The following ZBTB46 variants were observed in gnomAD, a reference collection of about 807,000 sequenced individuals.
ZBTB46 encodes the protein zinc finger and BTB domain-containing protein 46.
In ZBTB46, 8 loss-of-function variants were observed where a neutral mutation model predicts 44.1. The ratio of observed to expected loss-of-function variants is 0.18; its 90% CI spans 0.11 to 0.33. The LOEUF is 0.33. Ranked by LOEUF, ZBTB46 falls within the 10% of genes least tolerant of loss-of-function variation. The pLI, the probability that ZBTB46 is intolerant of heterozygous loss-of-function variation, is 1.00. For synonymous variants in ZBTB46, 409 were observed against 382.3 expected, an observed-to-expected ratio of 1.07 and a Z score of -0.81; for missense variants, 651 against 847.7, an observed-to-expected ratio of 0.77 and a Z score of 2.88.
intron 2 of ZBTB46, among the ~76,000 whole-genome samples, chr20:63,786,294 C>G (rs1010603724): frequency 1.3e-5 from 2 of 152,218 alleles, no homozygotes; most frequent in Non-Finnish European, 2.9e-5. Flanking sequence ...CGCACAGCAG[C>G]ACATAGAGAA....
chr20:63,760,344 TTC>T (rs1303518537), intron 3 of ZBTB46, among the ~76,000 whole-genome samples: 2 of 152,244 alleles, frequency 1.3e-5, no homozygotes, highest in African/African-American at 4.8e-5. Context: ...TTTTGATAAA[TTC>T]TGTTTTCCAG....
chr20:63,831,306 G>C (rs1281854901), upstream of ZBTB46: 14 of 137,642 alleles, frequency 1.0e-4, no homozygotes, highest in Non-Finnish European at 1.4e-4. Context: ...CGCCGCCCGC[G>C]CGCGCGCGCC....
At chr20:63,813,524 A>C (rs866375636) in intron 1 of ZBTB46, among the ~76,000 whole-genome samples, 6 of 152,172 alleles carry the variant, frequency 3.9e-5, no homozygotes, top group Middle Eastern at 3.2e-3. Flanking sequence ...TACACACCAG[A>C]GTAACTGCTC....
At chr20:63,774,048 A>ACCCCCCAC (rs2092399124) in intron 3 of ZBTB46, among the ~76,000 whole-genome samples, 1 of 5,244 alleles carries the variant, frequency 1.9e-4, no homozygotes, top group Admixed American at 3.5e-3. Flanking sequence ...TGTAAGTGGC[A>ACCCCCCAC]CCCCCCGCCC....
chr20:63,754,410 A>G (rs530997234), intron 3 of ZBTB46, among the ~76,000 whole-genome samples: 1 of 152,334 alleles, frequency 6.6e-6, no homozygotes, highest in African/African-American at 2.4e-5. Context: ...TAGGCTAGAA[A>G]AGGAGAGCAA....
intron 3 of ZBTB46, among the ~76,000 whole-genome samples, chr20:63,772,001 C>CT (rs11473575): frequency 0.064 from 8,862 of 138,786 alleles, 983 homozygotes; most frequent in African/African-American, 0.22. Context: ...AGGGCAAATT[C>CT]TTTTTTTTTT....
At chr20:63,760,602 G>T (rs1375431644) in intron 3 of ZBTB46, among the ~76,000 whole-genome samples, 1 of 150,978 alleles carries the variant, frequency 6.6e-6, no homozygotes, top group Non-Finnish European at 1.5e-5. Context: ...GATTACAGGC[G>T]CCTGTCACCA....
intron 1 of ZBTB46, among the ~76,000 whole-genome samples, chr20:63,828,592 G>C (rs1023403081): frequency 6.6e-6 from 1 of 152,240 alleles, no homozygotes; most frequent in Non-Finnish European, 1.5e-5. Context: ...AACATGCAAA[G>C]CCCAGGGAGA....
chr20:63,826,135 GCTTCATTTT>G (rs1260052184), intron 1 of ZBTB46, among the ~76,000 whole-genome samples: 38 of 152,352 alleles, frequency 2.5e-4, no homozygotes, highest in Admixed American at 5.9e-4. Context: ...TGTGCAAGAG[GCTTCATTTT>G]CTTCATTTTC....
At position 63,819,448 on chromosome 20, in the gene ZBTB46, G is replaced by C. The variant is rs113484265; in HGVS notation, c.-34+11649C>G. Among the ~76,000 whole-genome samples the C allele has an allele frequency of 7.2e-5, 11 of 152,202 alleles. No individual in the cohort carries two copies. The South Asian group carries it at 2.1e-3, about 29-fold the overall frequency. ...CTGAATCTCAGGCTCACCCGGAGGC[G>C]TCTGTGATCACAGCTCTGCTTCCTG... is the stretch of plus-strand genomic sequence containing the variant. On this transcript the variant is annotated intron_variant, in intron 1 of 4. Transcript: ENST00000245663.
chr20:63,813,457 A>AAAT, intron 1 of ZBTB46, among the ~76,000 whole-genome samples: 1 of 126,846 alleles, frequency 7.9e-6, no homozygotes, highest in East Asian at 2.2e-4. Flanking sequence ...CAAAAAAAAA[A>AAAT]AATAAATAAA....
intron 1 of ZBTB46, among the ~76,000 whole-genome samples, chr20:63,813,872 C>T (rs948087849): frequency 5.3e-5 from 8 of 152,166 alleles, no homozygotes; most frequent in Admixed American, 4.6e-4. Context: ...TGCCCGGCTG[C>T]GTGTGAGCCA....
chr20:63,806,654 G>A (rs538427919), intron 1 of ZBTB46, among the ~76,000 whole-genome samples: 3 of 152,224 alleles, frequency 2.0e-5, no homozygotes, highest in South Asian at 4.1e-4. Flanking sequence ...TGTCACCCAG[G>A]CTGGAGTGCA....
chr20:63,786,036 C>T (rs912055475), intron 2 of ZBTB46, among the ~76,000 whole-genome samples: 5 of 152,340 alleles, frequency 3.3e-5, no homozygotes, highest in Non-Finnish European at 5.9e-5. Context: ...GCCTCCAGCA[C>T]GGGCACCTGC....
At chr20:63,786,722 C>G (rs543282164) in intron 2 of ZBTB46, among the ~76,000 whole-genome samples, 137 of 152,172 alleles carry the variant, frequency 9.0e-4, no homozygotes, top group East Asian at 2.7e-3. Context: ...ATGTTGGCCA[C>G]GATGGTCTCG....
chr20:63,786,480 T>G (rs1229328581), intron 2 of ZBTB46, among the ~76,000 whole-genome samples: 1 of 152,088 alleles, frequency 6.6e-6, no homozygotes, highest in Non-Finnish European at 1.5e-5. Context: ...TTAAACCAAC[T>G]GCTGTTTTTT....
chr20:63,747,028 CA>C lies in ZBTB46; in HGVS notation c.1671del (p.Glu558ArgfsTer103), dbSNP rs1568822081. 1 of 1,608,254 alleles carries C rather than the reference CA, an allele frequency of 6.2e-7. No individual in the cohort carries two copies. Among genetic ancestry groups the C allele is most frequent in the Non-Finnish European group, 8.5e-7 (1 of 1,179,436 alleles). Reference protein sequence around the residue: ...ELGEDDEGLAPEDALLADDKD... With the variant: ...ELGEDDEGLAXEDALLADDKD... Reference sequence around the variant, plus strand: ...TTGTCGTCCGCCAACAGCGCATCCTCAGGGGCCAGGCCCTCGTCGTCCTCGC... The same window carrying C: ...TTGTCGTCCGCCAACAGCGCATCCTCGGGGCCAGGCCCTCGTCGTCCTCGC... On this transcript the variant is annotated frameshift_variant, in exon 5 of 5. Coordinates refer to ENST00000245663, the MANE Select transcript of ZBTB46 (RefSeq NM_001369741.1). LOFTEE classifies it low-confidence loss of function (END_TRUNC).
chr20:63,776,689 A>C (rs904968366), intron 2 of ZBTB46, among the ~76,000 whole-genome samples: 1 of 152,032 alleles, frequency 6.6e-6, no homozygotes, highest in African/African-American at 2.4e-5. Context: ...CTGTAATCCC[A>C]GCTACTCAGT....
At chr20:63,779,368 G>A (rs2092450485) in intron 2 of ZBTB46, among the ~76,000 whole-genome samples, 1 of 149,486 alleles carries the variant, frequency 6.7e-6, no homozygotes, top group African/African-American at 2.5e-5. Flanking sequence ...AGCCTCCTGA[G>A]TAGCTGGGAT....
Sources: allele counts gnomAD v4.1 joint callset (sites outside exome capture counted in the v4.1 genomes callset), GRCh38; gene constraint gnomAD v4.1.1; transcripts MANE v1.5; gene names NCBI Gene and HGNC (gene_info 2026-07-23, HGNC 2026-07-21).